SMYD3: variants seen among roughly 807,000 people sequenced by gnomAD.
The protein encoded by SMYD3 is histone-lysine N-methyltransferase SMYD3.
A neutral mutation model predicts 57.7 loss-of-function variants in SMYD3; 36 were observed. The ratio of observed to expected loss-of-function variants is 0.62; its 90% CI spans 0.48 to 0.82. The LOEUF is 0.82. Among genes scored for constraint, SMYD3 ranks in the 40% least tolerant of loss-of-function variants. The pLI is 0.00. For missense variants in SMYD3, 515 were observed against 538.8 expected, an observed-to-expected ratio of 0.96 and a Z score of 0.44; for synonymous variants, 211 against 195.0, an observed-to-expected ratio of 1.08 and a Z score of -0.68.
In SMYD3 at chr1:245,898,421, G is replaced by C. The variant is rs183731885; in HGVS notation, c.813+17109C>G. ...AAATTGGTATTTTGAAACAGAAAAA[G>C]GGAACAAAAGCAGGTTGAATGTTAG... On this transcript the variant is annotated intron_variant, in intron 8 of 11. Coordinates refer to ENST00000490107, the MANE Select transcript of SMYD3 (RefSeq NM_001167740.2). Among the ~76,000 whole-genome samples the C allele has an allele frequency of 2.4e-3, 370 of 152,314 alleles. 1 individual carries two copies. The highest frequency in any genetic ancestry group is 7.8e-3 in the African/African-American group (325 of 41,570).
chr1:246,444,714 CG>C (rs2067527506), intron 1 of SMYD3, among the ~76,000 whole-genome samples: 1 of 152,110 alleles, frequency 6.6e-6, no homozygotes, highest in Non-Finnish European at 1.5e-5. Context: ...CCATGAATCC[CG>C]AAGTGTATAT....
chr1:246,199,765 T>C (rs903259857), intron 5 of SMYD3, among the ~76,000 whole-genome samples: 4 of 152,228 alleles, frequency 2.6e-5, no homozygotes, highest in Non-Finnish European at 4.4e-5. Context: ...GGAGATGCTA[T>C]TCCTAGAAGA....
At chr1:246,137,046 A>C (rs10802335) in intron 5 of SMYD3, among the ~76,000 whole-genome samples, 78,060 of 151,988 alleles carry the variant, frequency 0.51, 23,611 homozygotes, top group Non-Finnish European at 0.69. Context: ...CGAGCTAAGC[A>C]ATTGGGTTGT....
At chr1:245,809,560 C>G (rs2048350530) in intron 10 of SMYD3, among the ~76,000 whole-genome samples, 1 of 152,196 alleles carries the variant, frequency 6.6e-6, no homozygotes, top group Admixed American at 6.5e-5. Flanking sequence ...GTCATACAGA[C>G]AAAAACACTC....
chr1:245,857,023 G>A (rs919307653), intron 10 of SMYD3, among the ~76,000 whole-genome samples: 8 of 152,118 alleles, frequency 5.3e-5, no homozygotes, highest in African/African-American at 9.7e-5. Context: ...CGTATTTTCC[G>A]AGAACCCACA....
At chr1:245,849,680 T>A (rs1307699923) in intron 10 of SMYD3, among the ~76,000 whole-genome samples, 1 of 152,014 alleles carries the variant, frequency 6.6e-6, no homozygotes, top group Non-Finnish European at 1.5e-5. Flanking sequence ...TGAGACAGGG[T>A]CTCGCTCAGT....
chr1:245,880,650 C>T (rs1041862655), intron 8 of SMYD3, among the ~76,000 whole-genome samples: 4 of 152,226 alleles, frequency 2.6e-5, no homozygotes, highest in African/African-American at 7.2e-5. Flanking sequence ...TTAACCTCCT[C>T]AAGTTCAAGT....
chr1:246,062,187 T>TCAGTGCAACA (rs2060265889), intron 5 of SMYD3, among the ~76,000 whole-genome samples: 1 of 151,740 alleles, frequency 6.6e-6, no homozygotes, highest in Non-Finnish European at 1.5e-5. Context: ...CATCATTGAC[T>TCAGTGCAACA]TAAAGATCGT....
At chr1:245,894,535 C>T (rs972666139) in intron 8 of SMYD3, among the ~76,000 whole-genome samples, 1 of 152,176 alleles carries the variant, frequency 6.6e-6, no homozygotes, top group African/African-American at 2.4e-5. Context: ...CCGCAAAGGT[C>T]CGCGGCTCCA....
intron 10 of SMYD3, among the ~76,000 whole-genome samples, chr1:245,813,175 C>T (rs1280226018): frequency 2.6e-5 from 4 of 151,780 alleles, no homozygotes; most frequent in South Asian, 2.1e-4. Flanking sequence ...CCACCACGCC[C>T]GGCTAATTTT....
At chr1:246,233,815 AGAG>A (rs2063466460) in intron 5 of SMYD3, among the ~76,000 whole-genome samples, 1 of 132,650 alleles carries the variant, frequency 7.5e-6, no homozygotes, top group South Asian at 3.2e-4. Flanking sequence ...TATACCACAC[AGAG>A]GAGAAGCACT....
intron 10 of SMYD3, among the ~76,000 whole-genome samples, chr1:245,837,526 C>T (rs566489476): frequency 4.6e-5 from 7 of 152,176 alleles, no homozygotes; most frequent in Non-Finnish European, 8.8e-5. Flanking sequence ...GATGAGGGCA[C>T]GTACACGAGG....
chr1:246,334,056 T>C (rs921770777), intron 3 of SMYD3, among the ~76,000 whole-genome samples: 3 of 140,342 alleles, frequency 2.1e-5, no homozygotes, highest in African/African-American at 8.0e-5. Context: ...GTGGCTATTA[T>C]TAAATAAAAA....
At chr1:246,223,213 T>C (rs1344290810) in intron 5 of SMYD3, among the ~76,000 whole-genome samples, 1 of 152,108 alleles carries the variant, frequency 6.6e-6, no homozygotes. Context: ...AAGGAAGCCG[T>C]GGGGCCACAG....
At chr1:246,225,321 CAAAAAAAAAAAAAAAAAAAAAAAAAA>C (rs60915002) in intron 5 of SMYD3, among the ~76,000 whole-genome samples, 1 of 76,254 alleles carries the variant, frequency 1.3e-5, no homozygotes, top group Non-Finnish European at 3.0e-5. Flanking sequence ...GCTGAAAAGT[CAAAAAAAAAAAAAAAAAAAAAAAAAA>C]AAAAAAAAAA....
chr1:246,136,413 A>T (rs2061666247), intron 5 of SMYD3, among the ~76,000 whole-genome samples: 5 of 152,224 alleles, frequency 3.3e-5, no homozygotes, highest in Admixed American at 3.3e-4. Context: ...ACAGTTGTGA[A>T]TAATGCTGCC....
intron 10 of SMYD3, among the ~76,000 whole-genome samples, chr1:245,813,801 A>G (rs2048626520): frequency 6.6e-6 from 1 of 150,478 alleles, no homozygotes; most frequent in Admixed American, 6.6e-5. Flanking sequence ...TTGAGTTTAG[A>G]TGGCCTCAGA....
chr1:246,413,884 A>G (rs901922465), intron 1 of SMYD3, among the ~76,000 whole-genome samples: 7 of 152,250 alleles, frequency 4.6e-5, no homozygotes, highest in African/African-American at 1.7e-4. Context: ...ACAATGCACT[A>G]GCAAATCAAA....
intron 11 of SMYD3, among the ~76,000 whole-genome samples, chr1:245,751,572 A>AAGAGAAAGAGAGAGAG (rs1271731866): frequency 1.9e-5 from 2 of 103,188 alleles, no homozygotes; most frequent in Non-Finnish European, 3.7e-5. Context: ...GACAGAGAGA[A>AAGAGAAAGAGAGAGAG]AGAGAAAGAG....
Sources: gnomAD v4.1 joint callset for allele counts (sites outside exome capture counted in the v4.1 genomes callset) on GRCh38, gnomAD v4.1.1 for gene constraint, MANE v1.5 for transcripts, NCBI Gene and HGNC (gene_info 2026-07-23, HGNC 2026-07-21) for gene names.